The following ADARB2 variants were observed in gnomAD, a reference collection of about 807,000 sequenced individuals.
ADARB2 encodes adenosine deaminase RNA specific B2 (inactive).
A neutral mutation model predicts 62.2 loss-of-function variants in ADARB2; 25 were observed. That is an observed-to-expected ratio of 0.40 (90% CI 0.29 to 0.56). ADARB2 has a LOEUF of 0.56. ADARB2 is among the 20% of genes least tolerant of loss of function. The pLI is 0.43. For synonymous variants in ADARB2, 572 were observed against 500.8 expected, an observed-to-expected ratio of 1.14 and a Z score of -1.90; for missense variants, 1,071 against 1,077.4, an observed-to-expected ratio of 0.99 and a Z score of 0.08.
At chr10:1,493,286 C>T (rs1379643744) in intron 1 of ADARB2, among the ~76,000 whole-genome samples, 1 of 152,156 alleles carries the variant, frequency 6.6e-6, no homozygotes, top group African/African-American at 2.4e-5. Context: ...GTGCAGGTTA[C>T]AGAAAAATTT....
intron 1 of ADARB2, among the ~76,000 whole-genome samples, chr10:1,634,030 C>A (rs913240819): frequency 6.6e-6 from 1 of 152,214 alleles, no homozygotes; most frequent in African/African-American, 2.4e-5. Flanking sequence ...CTCCCTTGAT[C>A]TGCACATTTC....
At chr10:1,250,732 T>G (rs1335258156) in intron 4 of ADARB2, among the ~76,000 whole-genome samples, 1 of 152,170 alleles carries the variant, frequency 6.6e-6, no homozygotes, top group Non-Finnish European at 1.5e-5. Context: ...CAACACAAAA[T>G]GAACTAAGAT....
intron 4 of ADARB2, among the ~76,000 whole-genome samples, chr10:1,264,868 G>T (rs895382363): frequency 1.3e-5 from 2 of 152,188 alleles, no homozygotes; most frequent in Admixed American, 1.3e-4. Flanking sequence ...GAGCGATAAA[G>T]CTGGACCTTA....
intron 3 of ADARB2, among the ~76,000 whole-genome samples, chr10:1,349,830 A>G (rs1230656042): frequency 6.6e-6 from 1 of 151,960 alleles, no homozygotes; most frequent in Non-Finnish European, 1.5e-5. Context: ...TGTTCCACTG[A>G]TGTCTGATCT....
intron 3 of ADARB2, among the ~76,000 whole-genome samples, chr10:1,301,118 T>C (rs1831568567): frequency 6.6e-6 from 1 of 152,218 alleles, no homozygotes; most frequent in Non-Finnish European, 1.5e-5. Context: ...TACTGAGGAA[T>C]TACGGAACGC....
intron 1 of ADARB2, among the ~76,000 whole-genome samples, chr10:1,707,175 G>A (rs950594560): frequency 1.3e-5 from 2 of 152,320 alleles, no homozygotes; most frequent in South Asian, 2.1e-4. Flanking sequence ...GCGGTGTCCC[G>A]GATTCCTGCA....
rs748052926 is a variant in ADARB2, at chr10:1,428,864, GAC to G, written c.101-49706_101-49705del. On this transcript the variant is annotated intron_variant, in intron 1 of 9. Coordinates refer to ENST00000381312, the MANE Select transcript of ADARB2 (RefSeq NM_018702.4). ...AATCCCACACACACATACACACACGGACACACACACACACACGGACACACACA... is the reference window on the plus strand; with the variant it reads ...AATCCCACACACACATACACACACGGACACACACACACACGGACACACACA... Among the ~76,000 whole-genome samples the G allele has an allele frequency of 2.4e-3, 364 of 148,594 alleles. 3 individuals carry two copies. Among genetic ancestry groups the G allele is most frequent in the African/African-American group, 8.1e-3 (329 of 40,418 alleles).
chr10:1,365,035 G>A (rs982959530), intron 2 of ADARB2, among the ~76,000 whole-genome samples: 1 of 151,968 alleles, frequency 6.6e-6, no homozygotes, highest in African/African-American at 2.4e-5. Flanking sequence ...ACCACGCCTG[G>A]CTAATTTTTG....
chr10:1,356,363 GCAGC>G (rs1832195273), intron 3 of ADARB2, among the ~76,000 whole-genome samples: 1 of 152,228 alleles, frequency 6.6e-6, no homozygotes, highest in South Asian at 2.1e-4. Flanking sequence ...AGAGACACAG[GCAGC>G]CAGCTGGGGT....
chr10:1,290,584 G>GAAAAGC (rs1831457126), intron 3 of ADARB2: 1 of 152,220 alleles, frequency 6.6e-6, no homozygotes, highest in Non-Finnish European at 1.5e-5. Context: ...TGTTAGAGGT[G>GAAAAGC]CCTTCCAAGG....
intron 1 of ADARB2, among the ~76,000 whole-genome samples, chr10:1,593,017 A>T (rs374819842): frequency 1.4e-5 from 1 of 71,174 alleles, no homozygotes. Context: ...AGCTTCCCTC[A>T]CCCAAGCCAC....
intron 1 of ADARB2, among the ~76,000 whole-genome samples, chr10:1,429,901 T>A (rs1830762930): frequency 6.6e-6 from 1 of 152,152 alleles, no homozygotes; most frequent in Non-Finnish European, 1.5e-5. Flanking sequence ...TCATCTCCTT[T>A]CCTTGTTGCT....
At chr10:1,363,943 G>A (rs368371502) in intron 2 of ADARB2, 26 bp from the exon 3 acceptor site, 7 of 1,425,250 alleles carry the variant, frequency 4.9e-6, no homozygotes, top group Admixed American at 3.1e-5. Context: ...GACCAGTCAG[G>A]AGCCTGGGCG....
At chr10:1,476,388 G>C (rs1168566483) in intron 1 of ADARB2, among the ~76,000 whole-genome samples, 1 of 152,200 alleles carries the variant, frequency 6.6e-6, no homozygotes, top group East Asian at 1.9e-4. Context: ...TGGGAAGAAG[G>C]CCACACCTGG....
At chr10:1,682,505 G>A (rs1834550849) in intron 1 of ADARB2, among the ~76,000 whole-genome samples, 2 of 152,206 alleles carry the variant, frequency 1.3e-5, no homozygotes, top group Non-Finnish European at 2.9e-5. Context: ...AGGACCACGG[G>A]TATTGGGTAG....
At chr10:1,716,765 A>G (rs187338417) in intron 1 of ADARB2, among the ~76,000 whole-genome samples, 1 of 152,326 alleles carries the variant, frequency 6.6e-6, no homozygotes, top group Non-Finnish European at 1.5e-5. Flanking sequence ...CATGCCATGG[A>G]TGCTTTGGCA....
intron 1 of ADARB2, among the ~76,000 whole-genome samples, chr10:1,640,940 G>A (rs1405335433): frequency 6.6e-6 from 1 of 152,144 alleles, no homozygotes; most frequent in Non-Finnish European, 1.5e-5. Context: ...GGTCTCACTT[G>A]GCTACAATTG....
chr10:1,628,882 G>A (rs985171019), intron 1 of ADARB2, among the ~76,000 whole-genome samples: 6 of 152,192 alleles, frequency 3.9e-5, no homozygotes, highest in African/African-American at 1.4e-4. Context: ...GCCCAGTGTC[G>A]TGACCACTGG....
chr10:1,450,891 T>A (rs1831027929), intron 1 of ADARB2, among the ~76,000 whole-genome samples: 1 of 152,172 alleles, frequency 6.6e-6, no homozygotes, highest in Non-Finnish European at 1.5e-5. Context: ...AGTGGTGACT[T>A]TTGGGTGACC....
Sources: allele counts gnomAD v4.1 joint callset (sites outside exome capture counted in the v4.1 genomes callset), GRCh38; gene constraint gnomAD v4.1.1; transcripts MANE v1.5; gene names NCBI Gene and HGNC (gene_info 2026-07-23, HGNC 2026-07-21).